The following CNOT2 variants were observed in gnomAD, a reference collection of about 807,000 sequenced individuals.
The protein encoded by CNOT2 is CC chemokine receptor 4-negative regulator of transcription 2.
CNOT2 carries 7 observed loss-of-function variants against 72.1 expected under a neutral mutation model. That is an observed-to-expected ratio of 0.10 (90% CI 0.06 to 0.18). CNOT2 has a LOEUF of 0.18. CNOT2 is among the 10% of genes least tolerant of loss of function. The pLI is 1.00. For missense variants in CNOT2, 345 were observed against 660.3 expected, an observed-to-expected ratio of 0.52 and a Z score of 5.23; for synonymous variants, 196 against 225.6, an observed-to-expected ratio of 0.87 and a Z score of 1.17.
intron 1 of CNOT2, among the ~76,000 whole-genome samples, chr12:70,247,255 C>T (rs1957922942): frequency 3.3e-5 from 5 of 151,964 alleles, no homozygotes; most frequent in Admixed American, 3.3e-4. Flanking sequence ...ACCTCCGCCT[C>T]CCGGGTTCAA....
intron 1 of CNOT2, among the ~76,000 whole-genome samples, chr12:70,248,387 G>T (rs922941677): frequency 2.0e-5 from 3 of 152,224 alleles, no homozygotes; most frequent in African/African-American, 7.2e-5. Context: ...TTTTGAATAA[G>T]CAAGGTGAGA....
At chr12:70,301,841 A>T (rs1028822352) in intron 2 of CNOT2, 57 of 152,288 alleles carry the variant, frequency 3.7e-4, no homozygotes, top group African/African-American at 1.3e-3. Context: ...CTGTGAATCC[A>T]TCTGGTCCTG....
In CNOT2 at chr12:70,290,291, C is replaced by G. The variant is rs1275771305; in HGVS notation, c.48+12017C>G. Among the ~76,000 whole-genome samples, 4 of 151,572 alleles carry G rather than the reference C, an allele frequency of 2.6e-5. No individual in the cohort carries two copies. The South Asian group carries it at 8.3e-4, about 32-fold the overall frequency. On this transcript the variant is annotated intron_variant, in intron 2 of 15. Coordinates refer to ENST00000229195, the MANE Select transcript of CNOT2 (RefSeq NM_014515.7). The stretch of plus-strand genomic sequence containing the variant: ...CATGCATGTGCTAATCAGTACTTAG[C>G]TGAAATCTCAGAGGAACCCTCTGCA...
chr12:70,337,008 C>T (rs1880793780), intron 8 of CNOT2: 1 of 160,042 alleles, frequency 6.2e-6, no homozygotes, highest in Non-Finnish European at 1.4e-5. Flanking sequence ...CTGACATATT[C>T]TTTTAAATTT....
chr12:70,296,727 A>G (rs1197271195), intron 2 of CNOT2, among the ~76,000 whole-genome samples: 1 of 150,388 alleles, frequency 6.6e-6, no homozygotes, highest in Non-Finnish European at 1.5e-5. Context: ...TTTTTTGTGC[A>G]GTGTAGGTGC....
At chr12:70,251,241 A>C (rs1013061534) in intron 1 of CNOT2, among the ~76,000 whole-genome samples, 1 of 152,208 alleles carries the variant, frequency 6.6e-6, no homozygotes, top group Non-Finnish European at 1.5e-5. Context: ...CATACTGTAG[A>C]AACATCCTAG....
rs7975012 is a variant in CNOT2 at position 70,290,042 on chromosome 12, T to G, written c.48+11768T>G. On this transcript the variant is annotated intron_variant, in intron 2 of 15. Transcript: ENST00000229195. ...TTGAGACATCCTTTTCTTTTTTTTC[T>G]TTTTTTTAGGTCTTGTTTAACAGAA... Among the ~76,000 whole-genome samples, 376 of 152,036 alleles carry G rather than the reference T, an allele frequency of 2.5e-3. 1 individual carries two copies. Among genetic ancestry groups the G allele is most frequent in the African/African-American group, 8.8e-3 (365 of 41,502 alleles).
rs77734797 is a variant in CNOT2 at position 70,256,014 on chromosome 12, G to T, written c.-96+12534G>T. ...AACTCTGTTATGTTTGCTATTCTTAGAAGATTATTACCACACTTTAGAACA... is the reference window on the plus strand; with the variant it reads ...AACTCTGTTATGTTTGCTATTCTTATAAGATTATTACCACACTTTAGAACA... On this transcript the variant is annotated intron_variant, in intron 1 of 15. Coordinates refer to ENST00000229195, the MANE Select transcript of CNOT2 (RefSeq NM_014515.7). Among the ~76,000 whole-genome samples, 240 of 152,238 alleles carry T rather than the reference G, an allele frequency of 1.6e-3. 7 individuals are homozygous for T. In the East Asian group the frequency reaches 0.038, roughly 24 times the overall value.
chr12:70,283,262 A>G (rs568048683), intron 2 of CNOT2, among the ~76,000 whole-genome samples: 37 of 152,266 alleles, frequency 2.4e-4, no homozygotes, highest in African/African-American at 8.9e-4. Flanking sequence ...GATATATAGT[A>G]TGTTAAAGAT....
At chr12:70,335,747 A>G (rs1048615056) in intron 8 of CNOT2, 184 bp downstream of exon 8, 20 of 415,742 alleles carry the variant, frequency 4.8e-5, no homozygotes, top group Middle Eastern at 6.5e-4. Context: ...CCAGAATACC[A>G]TGATAGCAAA....
chr12:70,310,384 T>C (rs762063922), intron 2 of CNOT2, among the ~76,000 whole-genome samples: 3 of 152,046 alleles, frequency 2.0e-5, no homozygotes, highest in Non-Finnish European at 4.4e-5. Flanking sequence ...CATGAGTGGG[T>C]ACTTGCTTGA....
chr12:70,250,984 C>A (rs1958116557), intron 1 of CNOT2, among the ~76,000 whole-genome samples: 1 of 152,004 alleles, frequency 6.6e-6, no homozygotes, highest in African/African-American at 2.4e-5. Flanking sequence ...AAATTGTTTT[C>A]TACATCAGAT....
chr12:70,252,568 C>G (rs1358567279), intron 1 of CNOT2, among the ~76,000 whole-genome samples: 1 of 152,134 alleles, frequency 6.6e-6, no homozygotes, highest in Non-Finnish European at 1.5e-5. Flanking sequence ...GCCTGATTGT[C>G]TATTTAGTTC....
intron 15 of CNOT2, among the ~76,000 whole-genome samples, chr12:70,352,517 T>C (rs1302335791): frequency 6.6e-6 from 1 of 152,218 alleles, no homozygotes; most frequent in Non-Finnish European, 1.5e-5. Context: ...CATTTTAATT[T>C]AATAATGGAA....
chr12:70,302,081 T>G (rs1874117403), intron 2 of CNOT2, among the ~76,000 whole-genome samples: 1 of 152,228 alleles, frequency 6.6e-6, no homozygotes, highest in African/African-American at 2.4e-5. Flanking sequence ...TTTGGCATTT[T>G]TTATTGCATC....
chr12:70,334,304 T>A (rs911219842), intron 7 of CNOT2: 22 of 152,058 alleles, frequency 1.4e-4, no homozygotes, highest in Admixed American at 1.4e-3. Flanking sequence ...GTTCTTAAGC[T>A]GCAGAAATAA....
intron 9 of CNOT2, chr12:70,338,141 C>G: frequency 4.1e-6 from 1 of 241,606 alleles, no homozygotes; most frequent in Non-Finnish European, 7.9e-6. Context: ...CAAGTGTATC[C>G]CAAAGCATAA....
chr12:70,340,437 T>C (rs1881336369), intron 11 of CNOT2, among the ~76,000 whole-genome samples: 2 of 152,136 alleles, frequency 1.3e-5, no homozygotes, highest in African/African-American at 4.8e-5. Context: ...ACCATATATA[T>C]TGAGGAATCC....
chr12:70,336,244 C>T (rs946985077), intron 8 of CNOT2: 10 of 152,132 alleles, frequency 6.6e-5, no homozygotes, highest in African/African-American at 2.2e-4. Context: ...CTTATGCAGA[C>T]TCTTGGTCTC....
Sources: gnomAD v4.1 joint callset for allele counts (sites outside exome capture counted in the v4.1 genomes callset) on GRCh38, gnomAD v4.1.1 for gene constraint, MANE v1.5 for transcripts, NCBI Gene and HGNC (gene_info 2026-07-23, HGNC 2026-07-21) for gene names.